The following GRIP1 variants were observed in gnomAD, a reference collection of about 807,000 sequenced individuals.
GRIP1 encodes glutamate receptor interacting protein 1, also known as glutamate receptor-interacting protein 1.
GRIP1 carries 45 observed loss-of-function variants against 129.9 expected under a neutral mutation model. The observed-to-expected ratio is 0.35, with a 90% CI of 0.27 to 0.44. The LOEUF is 0.44. GRIP1 is among the 20% of genes least tolerant of loss of function. GRIP1 has a pLI of 1.00. For synonymous variants in GRIP1, 530 were observed against 520.8 expected (o/e 1.02, Z -0.24); for missense variants, 1,196 against 1,396.8 (o/e 0.86, Z 2.29).
At chr12:66,392,201 G>A in intron 19 of GRIP1, 107 bp downstream of exon 19, 6 of 735,000 alleles carry the variant, frequency 8.2e-6, no homozygotes, top group Non-Finnish European at 1.5e-5. Context: ...CACCAAAGCA[G>A]ACACAAGTTA....
At chr12:66,971,334 G>T (rs2042073494) in intron 1 of GRIP1, among the ~76,000 whole-genome samples, 1 of 152,160 alleles carries the variant, frequency 6.6e-6, no homozygotes, top group African/African-American at 2.4e-5. Flanking sequence ...CACTTTACAT[G>T]CTGGAGTGCC....
At chr12:66,824,019 C>A (rs925420537) in intron 1 of GRIP1, among the ~76,000 whole-genome samples, 18 of 152,182 alleles carry the variant, frequency 1.2e-4, no homozygotes, top group African/African-American at 4.3e-4. Context: ...CAGAAACAGG[C>A]TGCAGCTGCC....
intron 1 of GRIP1, among the ~76,000 whole-genome samples, chr12:66,993,430 A>G (rs2042422586): frequency 6.6e-6 from 1 of 152,040 alleles, no homozygotes; most frequent in Admixed American, 6.6e-5. Flanking sequence ...CTTTGAAAAG[A>G]CCAACAAAAT....
upstream of GRIP1, among the ~76,000 whole-genome samples, chr12:66,680,065 C>T (rs1319831915): frequency 6.6e-6 from 1 of 151,460 alleles, no homozygotes; most frequent in African/African-American, 2.4e-5. Context: ...CATAAACATT[C>T]AGGACAAAAA....
chr12:66,373,797 G>A (rs1310960122), intron 22 of GRIP1, among the ~76,000 whole-genome samples: 1 of 152,198 alleles, frequency 6.6e-6, no homozygotes, highest in East Asian at 1.9e-4. Flanking sequence ...CAGATTGCAT[G>A]TAGAATATCA....
chr12:67,055,855 T>C (rs1039702490), intron 1 of GRIP1, among the ~76,000 whole-genome samples: 5 of 152,166 alleles, frequency 3.3e-5, no homozygotes, highest in Admixed American at 1.3e-4. Context: ...TCTACAGAAG[T>C]GAGGATCCCA....
intron 1 of GRIP1, among the ~76,000 whole-genome samples, chr12:66,689,063 A>C (rs1342036831): frequency 6.6e-6 from 1 of 152,190 alleles, no homozygotes; most frequent in African/African-American, 2.4e-5. Context: ...GCAAAGGATC[A>C]GAAATGGGAG....
intron 1 of GRIP1, among the ~76,000 whole-genome samples, chr12:66,975,671 C>T (rs1324356123): frequency 6.6e-6 from 1 of 152,096 alleles, no homozygotes; most frequent in East Asian, 1.9e-4. Flanking sequence ...ATGTTAAAAA[C>T]ATAATACATG....
At chr12:66,376,278 G>A (rs2055780342) in intron 22 of GRIP1, among the ~76,000 whole-genome samples, 1 of 152,190 alleles carries the variant, frequency 6.6e-6, no homozygotes, top group Non-Finnish European at 1.5e-5. Flanking sequence ...ATATAAAGAT[G>A]AGTAATCATT....
chr12:66,530,615 T>A (rs1319811964), intron 4 of GRIP1, among the ~76,000 whole-genome samples: 1 of 152,204 alleles, frequency 6.6e-6, no homozygotes, highest in African/African-American at 2.4e-5. Context: ...CTAGTCACAT[T>A]ACATACATGT....
chr12:66,621,714 G>A (rs1167716455), intron 1 of GRIP1, among the ~76,000 whole-genome samples: 2 of 152,096 alleles, frequency 1.3e-5, no homozygotes, highest in African/African-American at 4.8e-5. Context: ...ATTCCCTCTA[G>A]TAATGCAAAA....
intron 19 of GRIP1, among the ~76,000 whole-genome samples, chr12:66,384,844 T>C (rs2056282832): frequency 6.6e-6 from 1 of 152,248 alleles, no homozygotes; most frequent in Non-Finnish European, 1.5e-5. Context: ...CACTTAAATT[T>C]TGTTTCGTAT....
rs533086872 is a variant in GRIP1, at chr12:66,634,859, T to C, written c.56-37932A>G. ...ACACTCTGCTTCCAATGTTGGACTC[T>C]TCTTGTGCTTTCTACATAACCCACA... On this transcript the variant is annotated intron_variant, in intron 1 of 24. Coordinates refer to ENST00000359742, the MANE Select transcript of GRIP1 (RefSeq NM_001366722.1). Among the ~76,000 whole-genome samples, 3 of 152,374 alleles carry C rather than the reference T, an allele frequency of 2.0e-5. No homozygotes were observed. In the South Asian group the frequency reaches 6.2e-4, roughly 32 times the overall value.
intron 17 of GRIP1, 93 bp from the exon 18 acceptor site, chr12:66,392,909 T>C: frequency 8.1e-7 from 1 of 1,237,556 alleles, no homozygotes; most frequent in South Asian, 1.2e-5. Flanking sequence ...TTCATCATAA[T>C]AAAGACTTGG....
At chr12:66,392,099 G>A (rs1488001557) in intron 19 of GRIP1, among the ~76,000 whole-genome samples, 1 of 152,186 alleles carries the variant, frequency 6.6e-6, no homozygotes, top group African/African-American at 2.4e-5. Flanking sequence ...GCCTGTTAGT[G>A]TTTGGTAAAG....
At chr12:66,490,472 A>C (rs2060075095) in intron 7 of GRIP1, among the ~76,000 whole-genome samples, 1 of 152,216 alleles carries the variant, frequency 6.6e-6, no homozygotes. Flanking sequence ...TTATACAAAA[A>C]TTAACTTAAG....
intron 1 of GRIP1, among the ~76,000 whole-genome samples, chr12:66,768,611 G>A (rs1592826533): frequency 6.6e-6 from 1 of 152,194 alleles, no homozygotes; most frequent in Non-Finnish European, 1.5e-5. Flanking sequence ...CAATGGCGTG[G>A]AGGAAATTAT....
intron 1 of GRIP1, among the ~76,000 whole-genome samples, chr12:66,956,402 G>A (rs2041842093): frequency 6.6e-6 from 1 of 152,132 alleles, no homozygotes; most frequent in African/African-American, 2.4e-5. Flanking sequence ...GATGATATCA[G>A]CAGGATTTAT....
intron 1 of GRIP1, among the ~76,000 whole-genome samples, chr12:67,040,887 GC>G (rs1445098642): frequency 1.3e-5 from 2 of 152,056 alleles, no homozygotes; most frequent in Non-Finnish European, 2.9e-5. Context: ...TTTGGCAGGG[GC>G]TGAGATTTGT....
Sources: gnomAD v4.1 joint callset for allele counts (sites outside exome capture counted in the v4.1 genomes callset) on GRCh38, gnomAD v4.1.1 for gene constraint, MANE v1.5 for transcripts, NCBI Gene and HGNC (gene_info 2026-07-23, HGNC 2026-07-21) for gene names.